Variants in NLRP6 observed in about 807,000 individuals in gnomAD.
NLRP6 encodes the protein NACHT, LRR and PYD domains-containing protein 6.
NLRP6 carries 55 observed loss-of-function variants against 70.9 expected under a neutral mutation model. The observed-to-expected ratio is 0.78, with a 90% CI of 0.62 to 0.97. The LOEUF is 0.97. Among genes scored for constraint, NLRP6 ranks in the 50% least tolerant of loss-of-function variants. NLRP6 has a pLI of 0.00. For synonymous variants in NLRP6, 652 were observed against 581.9 expected, an observed-to-expected ratio of 1.12 and a Z score of -1.73; for missense variants, 1,241 against 1,238.3, an observed-to-expected ratio of 1.00 and a Z score of -0.03.
chr11:278,448 C>T lies in NLRP6; in HGVS notation c.-122C>T. 1.4e-6 allele frequency: 1 copy of T among 738,356 alleles called. No individual in the cohort carries two copies. Among genetic ancestry groups the T allele is most frequent in the Non-Finnish European group, 2.1e-6 (1 of 467,376 alleles). 45.7% of individuals were successfully genotyped at this position (738,356 alleles called of 1,614,324 possible). A position where few individuals can be genotyped will look rare whatever the true frequency, so the allele number is the denominator to read the frequency against. On this transcript the variant is annotated 5_prime_UTR_variant, in exon 1 of 8. Coordinates refer to ENST00000534750, the MANE Select transcript of NLRP6 (RefSeq NM_001276700.2). This position sits in a 1 kb window ranked among gnomAD's most constrained non-coding sequence, Gnocchi z 4.7. ...TGCCAGCTGAGCTGCGGTGTGTGGA[C>T]CCGGGGAATGGACCGGGCTGGACAA...
intron 3 of NLRP6, 77 bp from the exon 4 acceptor site, chr11:279,997 CAGGGCCGGGG>C: frequency 7.1e-7 from 1 of 1,412,572 alleles, no homozygotes; most frequent in Non-Finnish European, 9.3e-7. Context: ...GAGGCCTGAG[CAGGGCCGGGG>C]AGGGCGTGGG....
At position 281,189 on chromosome 11, in the gene NLRP6, G is replaced by A. The variant is rs765241729; in HGVS notation, c.1455G>A (p.Leu485=). ...VQTLFLSKKE[L]PGVLETEVTY... ...CGCTGTTTCTCAGCAAAAAGGAGCT[G>A]CCGGGCGTGCTGGAGACAGAGGTCA... Residue 485 remains leucine (L), a synonymous_variant, in exon 4 of 8, where the codon CTG becomes CTA. Transcript: ENST00000534750. The A allele has an allele frequency of 6.2e-7, 1 of 1,613,224 alleles. No individual in the cohort carries two copies. Among genetic ancestry groups the A allele is most frequent in the South Asian group, 1.1e-5 (1 of 91,082 alleles).
Position 281,406 on chromosome 11 carries a change from G to C in NLRP6, c.1672G>C (p.Asp558His). The C allele has an allele frequency of 3.7e-6, 6 of 1,608,940 alleles. No individual in the cohort carries two copies. Among genetic ancestry groups the C allele is most frequent in the Non-Finnish European group, 5.1e-6 (6 of 1,178,168 alleles). The stretch of plus-strand genomic sequence containing the variant: ...ACTGCTGAGCGCGGAGCGGATGCGC[G>C]ACATCGAGCGCCACTTCGGCTGCAT... ...FGLLSAERMRDIERHFGCMVS... is the reference protein window; with the variant it reads ...FGLLSAERMRHIERHFGCMVS... The change falls in exon 4 of 8, where the codon GAC becomes CAC. Residue 558 changes from aspartate (D) to histidine (H), a missense_variant. Transcript: ENST00000534750.
At position 281,102 on chromosome 11, in the gene NLRP6, C is replaced by T. The variant is rs1292213401; in HGVS notation, c.1368C>T (p.Arg456=). The T allele has an allele frequency of 6.2e-7, 1 of 1,612,688 alleles. No individual in the cohort carries two copies. Among genetic ancestry groups the T allele is most frequent in the Admixed American group, 1.7e-5 (1 of 60,022 alleles). The change falls in exon 4 of 8, where the codon CGC becomes CGT. Residue 456 remains arginine (R), a synonymous_variant. Transcript: ENST00000534750. ...CRLAREGVLG[R]RAQFAEKELE... ...TGGCCCGCGAGGGCGTCCTCGGACG[C>T]AGGGCGCAGTTTGCCGAGAAGGAAC...
In NLRP6 at chr11:279,525, T is replaced by C; in HGVS notation, c.228T>C (p.Pro76=). ...TGGCCCAGTTCTACGGCCCGGAGCCTGCCCTGGAGGTGGCCCGCAAGACCC... is the reference window on the plus strand; with the variant it reads ...TGGCCCAGTTCTACGGCCCGGAGCCCGCCCTGGAGGTGGCCCGCAAGACCC... The part of the protein sequence containing the change: ...EQLAQFYGPE[P]ALEVARKTLK... The change falls in exon 2 of 8, where the codon CCT becomes CCC. Residue 76 remains proline, a synonymous_variant. Transcript: ENST00000534750. 6.9e-7 allele frequency: 1 copy of C among 1,455,288 alleles called. No individual in the cohort carries two copies. Among genetic ancestry groups the C allele is most frequent in the Non-Finnish European group, 9.0e-7 (1 of 1,105,780 alleles). The allele number at this position is 1,455,288 out of a possible 1,614,324, so 90.1% of individuals were successfully genotyped here.
chr11:280,712 G>T lies in NLRP6; in HGVS notation c.978G>T (p.Thr326=), dbSNP rs200958507. 139 of 1,571,290 alleles carry T rather than the reference G, an allele frequency of 8.8e-5. No homozygotes were observed. The African/African-American group carries it at 1.8e-3, about 21-fold the overall frequency. ...LLPTALLLVT[T]RAAAPGRLQG... Reference sequence around the variant, plus strand: ...CCACGGCCCTCCTGCTGGTGACCACGCGCGCCGCCGCCCCCGGGAGGCTGC... The same window carrying T: ...CCACGGCCCTCCTGCTGGTGACCACTCGCGCCGCCGCCCCCGGGAGGCTGC... Residue 326 remains threonine, a synonymous_variant, in exon 4 of 8, where the codon ACG becomes ACT. Transcript: ENST00000534750.
At chr11:279,628 C>T in intron 2 of NLRP6, 21 bp downstream of exon 2, 1 of 1,389,076 alleles carries the variant, frequency 7.2e-7, no homozygotes, top group South Asian at 1.6e-5. Context: ...CGCGGGAGGT[C>T]CCTCCTGTCT....
chr11:278,450 C>A lies in NLRP6; in HGVS notation c.-120C>A. 1 of 763,146 alleles carries A rather than the reference C, an allele frequency of 1.3e-6. No homozygotes were observed. The highest frequency in any genetic ancestry group is 2.0e-6 in the Non-Finnish European group (1 of 489,806). The allele number at this position is 763,146 out of a possible 1,614,324, so 47.3% of individuals were successfully genotyped here. On this transcript the variant is annotated 5_prime_UTR_variant, in exon 1 of 8. Transcript: ENST00000534750. This position sits in a 1 kb window ranked among gnomAD's most constrained non-coding sequence, Gnocchi z 4.7. Reference sequence around the variant, plus strand: ...CCAGCTGAGCTGCGGTGTGTGGACCCGGGGAATGGACCGGGCTGGACAACC... The same window carrying A: ...CCAGCTGAGCTGCGGTGTGTGGACCAGGGGAATGGACCGGGCTGGACAACC...
In NLRP6 at chr11:280,750, G is replaced by T; in HGVS notation, c.1016G>T (p.Cys339Phe). The change falls in exon 4 of 8, where the codon TGT becomes TTT. Residue 339 changes from cysteine to phenylalanine, a missense_variant. Transcript: ENST00000534750. ...CCCGGGAGGCTGCAGGGCCGCCTGT[G>T]TTCCCCGCAGTGCGCCGAGGTGCGC... is the stretch of plus-strand genomic sequence containing the variant. ...AAPGRLQGRL[C>F]SPQCAEVRGF... is the part of the protein sequence containing the mutation. 3.1e-6 allele frequency: 5 copies of T among 1,606,712 alleles called. No homozygotes were observed. Among genetic ancestry groups the T allele is most frequent in the Non-Finnish European group, 3.4e-6 (4 of 1,176,466 alleles).
Position 281,361 on chromosome 11 carries a change from A to G in NLRP6, c.1627A>G (p.Thr543Ala). 1 of 1,610,996 alleles carries G rather than the reference A, an allele frequency of 6.2e-7. No individual in the cohort carries two copies. Among genetic ancestry groups the G allele is most frequent in the African/African-American group, 1.3e-5 (1 of 75,054 alleles). The change falls in exon 4 of 8, where the codon ACC (threonine) becomes GCC (alanine). Residue 543 changes from threonine (T) to alanine (A), a missense_variant. By Grantham distance (58) the Thr-to-Ala change is moderately conservative. Transcript: ENST00000534750. Reference sequence around the variant, plus strand: ...CCAGCCGCACAGCCACTTGGTGCTCACCACGCGCTTCCTCTTCGGACTGCT... The same window carrying G: ...CCAGCCGCACAGCCACTTGGTGCTCGCCACGCGCTTCCTCTTCGGACTGCT... ...DAQPHSHLVL[T>A]TRFLFGLLSA... is the part of the protein sequence containing the mutation.
rs1459218936 is a variant in NLRP6 at position 285,334 on chromosome 11, C to A, written c.*30C>A. 3 of 1,600,518 alleles carry A rather than the reference C, an allele frequency of 1.9e-6. No individual in the cohort carries two copies. The African/African-American group carries it at 4.0e-5, about 21-fold the overall frequency. ...CTGGTGGCCAGAGCAGGGTGGAAGACCCTAGTCAAAGTCCCTGTGGAGAGA... is the reference window on the plus strand; with the variant it reads ...CTGGTGGCCAGAGCAGGGTGGAAGAACCTAGTCAAAGTCCCTGTGGAGAGA... On this transcript the variant is annotated 3_prime_UTR_variant, in exon 8 of 8. Coordinates refer to ENST00000534750, the MANE Select transcript of NLRP6 (RefSeq NM_001276700.2).
intron 5 of NLRP6, among the ~76,000 whole-genome samples, chr11:283,673 C>T (rs1246250889): frequency 6.6e-6 from 1 of 151,974 alleles, no homozygotes; most frequent in East Asian, 1.9e-4. Flanking sequence ...ACCAAGTGAG[C>T]AGAAAGGAAG....
chr11:284,370 C>A lies in NLRP6; in HGVS notation c.2339C>A (p.Ala780Asp), dbSNP rs1230622463. The change falls in exon 6 of 8, where the codon GCC (alanine) becomes GAC (aspartate). Residue 780 changes from alanine to aspartate, a missense_variant. Physicochemically the swap from Ala to Asp is moderately radical, Grantham distance 126. Transcript: ENST00000534750. ...AGLRMLSEGLAWPQCRVQTVR... is the reference protein window; with the variant it reads ...AGLRMLSEGLDWPQCRVQTVR... Reference sequence around the variant, plus strand: ...CTGCGTATGCTGAGTGAGGGCCTAGCCTGGCCGCAGTGCAGGGTGCAGACG... The same window carrying A: ...CTGCGTATGCTGAGTGAGGGCCTAGACTGGCCGCAGTGCAGGGTGCAGACG... The A allele has an allele frequency of 2.5e-6, 4 of 1,603,312 alleles. No individual in the cohort carries two copies. Among genetic ancestry groups the A allele is most frequent in the Non-Finnish European group, 1.7e-6 (2 of 1,173,762 alleles).
intron 7 of NLRP6, among the ~76,000 whole-genome samples, chr11:284,849 G>A (rs941980323): frequency 6.6e-6 from 1 of 152,178 alleles, no homozygotes; most frequent in Non-Finnish European, 1.5e-5. Context: ...TGACCACTTT[G>A]TCTGACCAAA....
Position 279,572 on chromosome 11 carries a change from A to T in NLRP6, c.275A>T (p.Asp92Val). 1.4e-6 allele frequency: 2 copies of T among 1,418,426 alleles called. No homozygotes were observed. The highest frequency in any genetic ancestry group is 1.8e-6 in the Non-Finnish European group (2 of 1,089,792). The allele number at this position is 1,418,426 out of a possible 1,614,324, so 87.9% of individuals were successfully genotyped here. A position where few individuals can be genotyped will look rare whatever the true frequency, so the allele number is the denominator to read the frequency against. The change falls in exon 2 of 8, where the codon GAC becomes GTC. Residue 92 changes from aspartate to valine, a missense_variant. Asp to Val is a radical substitution (Grantham distance 152). Coordinates refer to ENST00000534750, the MANE Select transcript of NLRP6 (RefSeq NM_001276700.2). ...ACCCTCAAGAGGGCGGACGCGCGCGACGTGGCGGCGCAGCTCCAGGAGCGG... is the reference window on the plus strand; with the variant it reads ...ACCCTCAAGAGGGCGGACGCGCGCGTCGTGGCGGCGCAGCTCCAGGAGCGG... Reference protein sequence around the residue: ...RKTLKRADARDVAAQLQERRL... With the variant: ...RKTLKRADARVVAAQLQERRL...
rs745732744 is a variant in NLRP6 at position 280,447 on chromosome 11, G to A, written c.713G>A (p.Gly238Asp). 6.3e-7 allele frequency: 1 copy of A among 1,592,458 alleles called. No individual in the cohort carries two copies. The highest frequency in any genetic ancestry group is 8.5e-7 in the Non-Finnish European group (1 of 1,177,620). The stretch of plus-strand genomic sequence containing the variant: ...GACTTCGCCTTCTTCATGCCCTGCG[G>A]CGAGCTGCTGGAGAGGCCGGGCACG... ...QVDFAFFMPC[G>D]ELLERPGTRS... Residue 238 changes from glycine (G) to aspartate (D), a missense_variant, in exon 4 of 8, where the codon GGC becomes GAC. Gly to Asp is a moderately conservative substitution (Grantham distance 94). Transcript: ENST00000534750.
Position 282,762 on chromosome 11 carries a change from A to G in NLRP6, c.2163A>G (p.Ala721=), listed in dbSNP as rs757963461. ...CCCTTCTTCATCCACTCTTTCAGGC[A>G]ATGACTGACCCACTGTGCCATCTGA... ...PASLLHPLFQ[A]MTDPLCHLSS... Residue 721 remains alanine, a synonymous_variant, in exon 5 of 8, where the codon GCA becomes GCG. Transcript: ENST00000534750. 1.1e-5 allele frequency: 17 copies of G among 1,614,084 alleles called. No individual in the cohort carries two copies. Among genetic ancestry groups the G allele is most frequent in the East Asian group, 4.5e-5 (2 of 44,888 alleles).
rs1845524222 is a variant in NLRP6 at position 284,325 on chromosome 11, A to G, written c.2294A>G (p.Asn765Ser). Residue 765 changes from asparagine to serine, a missense_variant, in exon 6 of 8, where the codon AAC (asparagine) becomes AGC (serine). Asn to Ser is a conservative substitution (Grantham distance 46). Transcript: ENST00000534750. ...PALTELGLLH[N>S]RLSEAGLRML... is the part of the protein sequence containing the mutation. ...CTGACGGAGCTGGGCCTCCTCCACA[A>G]CAGGCTCAGTGAGGCGGGACTGCGT... 2 of 1,612,212 alleles carry G rather than the reference A, an allele frequency of 1.2e-6. No homozygotes were observed. Among genetic ancestry groups the G allele is most frequent in the African/African-American group, 1.3e-5 (1 of 75,048 alleles).
rs1231975071 is a variant in NLRP6, at chr11:279,514, G to C, written c.217G>C (p.Gly73Arg). The change falls in exon 2 of 8, where the codon GGC becomes CGC. Residue 73 changes from glycine to arginine, a missense_variant. Coordinates refer to ENST00000534750, the MANE Select transcript of NLRP6 (RefSeq NM_001276700.2). Reference protein sequence around the residue: ...DLAEQLAQFYGPEPALEVARK... With the variant: ...DLAEQLAQFYRPEPALEVARK... ...CGCGGAGCAGCTGGCCCAGTTCTAC[G>C]GCCCGGAGCCTGCCCTGGAGGTGGC... is the stretch of plus-strand genomic sequence containing the variant. The C allele has an allele frequency of 1.4e-6, 2 of 1,455,374 alleles. No homozygotes were observed. Among genetic ancestry groups the C allele is most frequent in the Middle Eastern group, 2.0e-4 (1 of 5,116 alleles). The allele number at this position is 1,455,374 out of a possible 1,614,324, so 90.2% of individuals were successfully genotyped here. A position where few individuals can be genotyped will look rare whatever the true frequency, so the allele number is the denominator to read the frequency against.
Sources: gnomAD v4.1 joint callset for allele counts (sites outside exome capture counted in the v4.1 genomes callset) on GRCh38, gnomAD v4.1.1 for gene constraint, Gnocchi (gnomAD v3.1) non-coding constraint, MANE v1.5 for transcripts, NCBI Gene and HGNC (gene_info 2026-07-23, HGNC 2026-07-21) for gene names.